Variants in SHANK1 observed in about 807,000 individuals in gnomAD.
The protein encoded by SHANK1 is SH3 and multiple ankyrin repeat domains protein 1.
Under a neutral mutation model 165.6 loss-of-function variants are expected in SHANK1, and 35 were observed. The observed-to-expected ratio is 0.21, with a 90% CI of 0.16 to 0.28. The LOEUF is 0.28. SHANK1 is among the 10% of genes least tolerant of loss of function. SHANK1 has a pLI of 1.00. For synonymous variants in SHANK1, 1,428 were observed against 1,384.8 expected (o/e 1.03, Z -0.69); for missense variants, 2,681 against 3,036.4 (o/e 0.88, Z 2.75).
intron 9 of SHANK1, 110 bp from the exon 10 acceptor site, chr19:50,704,296 G>T: frequency 1.5e-6 from 2 of 1,321,084 alleles, no homozygotes; most frequent in Non-Finnish European, 2.2e-6. Flanking sequence ...CTCCGACAAT[G>T]CCGCCCTCTG....
chr19:50,689,049 A>T, intron 16 of SHANK1, 81 bp from the exon 17 acceptor site: 1 of 1,169,760 alleles, frequency 8.5e-7, no homozygotes, highest in Non-Finnish European at 1.2e-6. Context: ...GACCCAAGTC[A>T]CGGAGGCCTC....
chr19:50,684,231 T>G lies in SHANK1; in HGVS notation c.2577+2006A>C, dbSNP rs73598628. Among the ~76,000 whole-genome samples the G allele has an allele frequency of 3.6e-3, 538 of 150,184 alleles. 4 individuals are homozygous for G. Among genetic ancestry groups the G allele is most frequent in the African/African-American group, 0.012 (502 of 40,996 alleles). On this transcript the variant is annotated intron_variant, in intron 21 of 23. Transcript: ENST00000293441. ...TTGGACTCCATATAAGGAAGAAGGT[T>G]TTTTTTTTTTTGAGACAGAGTTTCG... is the stretch of plus-strand genomic sequence containing the variant.
At position 50,716,680 on chromosome 19, in the gene SHANK1, C is replaced by T. The variant is rs769917682; in HGVS notation, c.240G>A (p.Pro80=). ...AGGTACTCACTGTCTGGTGCAGGTCCGGGATGCCAATCCTGAAGACCATCA... is the reference window on the plus strand; with the variant it reads ...AGGTACTCACTGTCTGGTGCAGGTCTGGGATGCCAATCCTGAAGACCATCA... ...FSMMVFRIGI[P]DLHQTKCLRF... Residue 80 remains proline (P), a synonymous_variant, in exon 2 of 24, where the codon CCG becomes CCA. Transcript: ENST00000293441. The surrounding 1 kb of genome is among the most constrained non-coding windows in gnomAD (Gnocchi z 8.4). The T allele has an allele frequency of 9.5e-6, 15 of 1,580,442 alleles. No homozygotes were observed. The highest frequency in any genetic ancestry group is 6.8e-5 in the African/African-American group (5 of 73,746).
At position 50,666,280 on chromosome 19, in the gene SHANK1, C is replaced by A. The variant is rs754623779; in HGVS notation, c.5680G>T (p.Ala1894Ser). ...CCGCCTCCCCCACTGCCTCCTCGGGCCCAGGGCAGAGCGCCGCCAGCTGCC... is the reference window on the plus strand; with the variant it reads ...CCGCCTCCCCCACTGCCTCCTCGGGACCAGGGCAGAGCGCCGCCAGCTGCC... Reference protein sequence around the residue: ...SSAAGGALPWARGGSGGGGDS... With the variant: ...SSAAGGALPWSRGGSGGGGDS... Residue 1894 changes from alanine (A) to serine (S), a missense_variant, in exon 23 of 24, where the codon GCC (alanine) becomes TCC (serine). Physicochemically the swap from Ala to Ser is moderately conservative, Grantham distance 99. Around this residue, in one of 10 missense-constraint regions of SHANK1, gnomAD observed 1,713 missense variants for 1,630.2 expected, o/e 1.05. Transcript: ENST00000293441. 3.7e-6 allele frequency: 6 copies of A among 1,611,608 alleles called. No homozygotes were observed. The African/African-American group carries it at 8.0e-5, about 22-fold the overall frequency.
intron 15 of SHANK1, among the ~76,000 whole-genome samples, chr19:50,689,767 T>C (rs1217707877): frequency 2.0e-5 from 3 of 152,188 alleles, no homozygotes; most frequent in African/African-American, 7.2e-5. Flanking sequence ...GCACAGTGCC[T>C]GGCACATAGT....
At chr19:50,687,033 G>C in intron 19 of SHANK1, 2 of 1,485,974 alleles carry the variant, frequency 1.3e-6, no homozygotes. Flanking sequence ...TCTTCTTCCA[G>C]GGGGAGACTA....
intron 15 of SHANK1, among the ~76,000 whole-genome samples, chr19:50,695,868 G>A (rs1986722478): frequency 6.6e-6 from 1 of 151,450 alleles, no homozygotes; most frequent in Non-Finnish European, 1.5e-5. Context: ...CGTGGACCCC[G>A]AGCCAGCGCG....
Position 50,687,636 on chromosome 19 carries a change from G to C in SHANK1, c.2335C>G (p.Pro779Ala). Residue 779 changes from proline (P) to alanine (A), a missense_variant, in exon 19 of 24, where the codon CCC becomes GCC. Transcript: ENST00000293441. ...TTGGAACGCAGGGAGATGGTTGGGGGCGGCAGCCGCTTGGCCTGCTGGGGT... is the reference window on the plus strand; with the variant it reads ...TTGGAACGCAGGGAGATGGTTGGGGCCGGCAGCCGCTTGGCCTGCTGGGGT... ...KAPQQAKRLP[P>A]PTISLRSKSM... 6.6e-7 allele frequency: 1 copy of C among 1,520,776 alleles called. No individual in the cohort carries two copies. Among genetic ancestry groups the C allele is most frequent in the South Asian group, 1.3e-5 (1 of 78,074 alleles). 94.2% of individuals were successfully genotyped at this position (1,520,776 alleles called of 1,614,324 possible).
chr19:50,715,222 A>G (rs1473077715), intron 4 of SHANK1, among the ~76,000 whole-genome samples: 2 of 151,830 alleles, frequency 1.3e-5, no homozygotes, highest in South Asian at 2.1e-4. Flanking sequence ...TAATGGTTGG[A>G]TTTTGCAGAG....
chr19:50,699,265 A>G (rs761407171), intron 12 of SHANK1, among the ~76,000 whole-genome samples: 8 of 152,246 alleles, frequency 5.3e-5, no homozygotes, highest in Admixed American at 1.3e-4. Flanking sequence ...AGTTAGTGCC[A>G]GTCATGAGTC....
rs762617520 is a variant in SHANK1 at position 50,667,442 on chromosome 19, G to A, written c.4518C>T (p.Ser1506=). The change falls in exon 23 of 24, where the codon AGC becomes AGT. Residue 1506 remains serine, a synonymous_variant. Transcript: ENST00000293441. This position sits in a 1 kb window ranked among gnomAD's most constrained non-coding sequence, Gnocchi z 5.7. The part of the protein sequence containing the change: ...ENCQPRAPVT[S]GRGPPSEDGP... ...CGTCCTCCGAGGGGGGACCCCTTCC[G>A]CTCGTCACAGGGGCCCGGGGCTGGC... 17 of 1,526,536 alleles carry A rather than the reference G, an allele frequency of 1.1e-5. No individual in the cohort carries two copies. The South Asian group carries it at 1.6e-4, about 14-fold the overall frequency. The allele number at this position is 1,526,536 out of a possible 1,614,324, so 94.6% of individuals were successfully genotyped here.
At chr19:50,666,048 A>T in intron 23 of SHANK1, 144 bp downstream of exon 23, 2 of 720,772 alleles carry the variant, frequency 2.8e-6, no homozygotes, top group Non-Finnish European at 4.2e-6. Flanking sequence ...GAAAAAGAAA[A>T]TATTTGTGAA....
At position 50,686,658 on chromosome 19, in the gene SHANK1, G is replaced by T; in HGVS notation, c.2458+86C>A. 1 of 1,275,384 alleles carries T rather than the reference G, an allele frequency of 7.8e-7. No individual in the cohort carries two copies. The allele number at this position is 1,275,384 out of a possible 1,614,324, so 79.0% of individuals were successfully genotyped here. ...TCTCTGGGGCAGGAAGGTGAGGGGC[G>T]CCGTGGGGTTCATGGTGGGACAGGG... On this transcript the variant is annotated intron_variant, in intron 20 of 23. Transcript: ENST00000293441. This position sits in a 1 kb window ranked among gnomAD's most constrained non-coding sequence, Gnocchi z 5.7.
intron 12 of SHANK1, among the ~76,000 whole-genome samples, chr19:50,698,468 C>T (rs368377405): frequency 7.2e-5 from 11 of 152,176 alleles, no homozygotes; most frequent in East Asian, 3.8e-4. Flanking sequence ...ATTAGCATCA[C>T]CTCTTTCCTT....
At chr19:50,699,810 G>A (rs1464906646) in intron 12 of SHANK1, among the ~76,000 whole-genome samples, 1 of 150,818 alleles carries the variant, frequency 6.6e-6, no homozygotes, top group African/African-American at 2.4e-5. Context: ...TGGGAGATTG[G>A]AGGGATTGGG....
In SHANK1 at chr19:50,660,998, CTG is replaced by C. The variant is rs550134650; in HGVS notation, c.*965_*966del. On this transcript the variant is annotated 3_prime_UTR_variant, in exon 24 of 24. Coordinates refer to ENST00000293441, the MANE Select transcript of SHANK1 (RefSeq NM_016148.5). The stretch of plus-strand genomic sequence containing the variant: ...GGGGAGAGTTGGGGAGTGGAAGAAT[CTG>C]GGGTTTTTAAGAATAAGAAGGGAAA... Among the ~76,000 whole-genome samples the C allele has an allele frequency of 3.3e-5, 5 of 151,752 alleles. No individual in the cohort carries two copies. The highest frequency in any genetic ancestry group is 3.9e-4 in the East Asian group (2 of 5,146).
Position 50,661,242 on chromosome 19 carries a change from G to T in SHANK1, c.*723C>A, listed in dbSNP as rs1985202130. On this transcript the variant is annotated 3_prime_UTR_variant, in exon 24 of 24. Coordinates refer to ENST00000293441, the MANE Select transcript of SHANK1 (RefSeq NM_016148.5). ...TGTGAAATGGAGTGTGTAAAGGAGGGCCCTGGTAGGGGAAAAGTGTGTAAG... is the reference window on the plus strand; with the variant it reads ...TGTGAAATGGAGTGTGTAAAGGAGGTCCCTGGTAGGGGAAAAGTGTGTAAG... 6.6e-6 allele frequency among the ~76,000 whole-genome samples: 1 copy of T among 152,058 alleles called. No homozygotes were observed. Among genetic ancestry groups the T allele is most frequent in the South Asian group, 2.1e-4 (1 of 4,834 alleles).
chr19:50,679,587 C>T (rs141156566), intron 21 of SHANK1, among the ~76,000 whole-genome samples: 4 of 152,298 alleles, frequency 2.6e-5, no homozygotes, highest in Non-Finnish European at 5.9e-5. Flanking sequence ...GCCGGGCAGA[C>T]TCCCCTTCAG....
intron 22 of SHANK1, among the ~76,000 whole-genome samples, chr19:50,669,602 C>T (rs953157914): frequency 6.6e-6 from 1 of 152,070 alleles, no homozygotes; most frequent in Non-Finnish European, 1.5e-5. Context: ...CGGTTTGGGG[C>T]CAGCAAAAGT....
Sources: gnomAD v4.1 joint callset for allele counts (sites outside exome capture counted in the v4.1 genomes callset) on GRCh38, gnomAD v4.1.1 for gene constraint, gnomAD v4.1.1 regional missense constraint, Gnocchi (gnomAD v3.1) non-coding constraint, MANE v1.5 for transcripts, NCBI Gene and HGNC (gene_info 2026-07-23, HGNC 2026-07-21) for gene names.